The following THAP5 variants were observed in gnomAD, a reference collection of about 807,000 sequenced individuals.
THAP5 encodes the protein THAP domain-containing protein 5.
THAP5 carries 26 observed loss-of-function variants against 34.0 expected under a neutral mutation model. The ratio of observed to expected loss-of-function variants is 0.77; its 90% CI spans 0.56 to 1.06. THAP5 has a LOEUF of 1.06. Ranked by LOEUF, THAP5 falls within the 50% of genes least tolerant of loss-of-function variation. THAP5 has a pLI of 0.00. For synonymous variants in THAP5, 125 were observed against 153.0 expected, an observed-to-expected ratio of 0.82 and a Z score of 1.35; for missense variants, 394 against 452.8, an observed-to-expected ratio of 0.87 and a Z score of 1.18.
At position 108,564,642 on chromosome 7, in the gene THAP5, G is replaced by A. The variant is rs997163425; in HGVS notation, c.737C>T (p.Ser246Leu). The A allele has an allele frequency of 6.2e-7, 1 of 1,613,832 alleles. No homozygotes were observed. Among genetic ancestry groups the A allele is most frequent in the Non-Finnish European group, 8.5e-7 (1 of 1,179,960 alleles). Residue 246 changes from serine (S) to leucine (L), a missense_variant, in exon 3 of 3, where the codon TCA becomes TTA. Ser to Leu is a moderately radical substitution (Grantham distance 145). Transcript: ENST00000415914. ...NFTSNSMEIK[S>L]AQENPFLFST... ...GAATAAGAATGGATTTTCCTGTGCT[G>A]ACTTTATTTCCATGGAATTACTTGT...
chr7:108,565,868 C>A lies in THAP5; in HGVS notation c.235G>T (p.Ala79Ser). The change falls in exon 2 of 3, where the codon GCA (alanine) becomes TCA (serine). Residue 79 changes from alanine (A) to serine (S), a missense_variant. By Grantham distance (99) the Ala-to-Ser change is moderately conservative. Transcript: ENST00000415914. ...GGCAAAGAAAATATTGTTGGAACTGCAGTTTGTTTTAAATATCGAATACCC... is the reference window on the plus strand; with the variant it reads ...GGCAAAGAAAATATTGTTGGAACTGAAGTTTGTTTTAAATATCGAATACCC... ...RWGIRYLKQTAVPTIFSLPED... is the reference protein window; with the variant it reads ...RWGIRYLKQTSVPTIFSLPED... The A allele has an allele frequency of 6.5e-7, 1 of 1,547,696 alleles. No homozygotes were observed. Among genetic ancestry groups the A allele is most frequent in the Non-Finnish European group, 8.7e-7 (1 of 1,146,308 alleles).
the THAP5 span, among the ~76,000 whole-genome samples, chr7:108,543,731 A>G: frequency 2.0e-5 from 3 of 152,300 alleles, no homozygotes; most frequent in African/African-American, 7.2e-5. Context: ...GACCTATGTG[A>G]TCAGGATTTT....
downstream of THAP5, among the ~76,000 whole-genome samples, chr7:108,554,117 T>C (rs1198968875): frequency 6.6e-6 from 1 of 152,176 alleles, no homozygotes; most frequent in Non-Finnish European, 1.5e-5. Context: ...AAGAAAGTCC[T>C]ATCAGATGCC....
At position 108,569,528 on chromosome 7, in the gene THAP5, C is replaced by A; in HGVS notation, c.42G>T (p.Arg14=). Residue 14 remains arginine (R), a synonymous_variant, in exon 1 of 3, where the codon CGG becomes CGT. Coordinates refer to ENST00000415914, the MANE Select transcript of THAP5 (RefSeq NM_001130475.3). ...YCAAICCKNR[R]GRNNKDRKLS... ...GCTTCCGGTCTTTATTGTTTCGTCC[C>A]CGGCGGTTCTTACAACAAATCGCTG... is the stretch of plus-strand genomic sequence containing the variant. The A allele has an allele frequency of 1.3e-6, 2 of 1,551,808 alleles. No homozygotes were observed. Among genetic ancestry groups the A allele is most frequent in the Non-Finnish European group, 8.7e-7 (1 of 1,147,022 alleles).
chr7:108,556,750 C>A (rs963719003), intron 1 of THAP5, among the ~76,000 whole-genome samples: 1 of 152,188 alleles, frequency 6.6e-6, no homozygotes, highest in Non-Finnish European at 1.5e-5. Flanking sequence ...ATTCTGGGGT[C>A]TAGAGGACAG....
At position 108,569,623 on chromosome 7, in the gene THAP5, T is replaced by C. The variant is rs1347274822; in HGVS notation, c.-54A>G. 24 of 1,543,184 alleles carry C rather than the reference T, an allele frequency of 1.6e-5. No individual in the cohort carries two copies. Among genetic ancestry groups the C allele is most frequent in the South Asian group, 2.4e-5 (2 of 83,924 alleles). On this transcript the variant is annotated 5_prime_UTR_variant, in exon 1 of 3. Transcript: ENST00000415914. Reference sequence around the variant, plus strand: ...GCCGGCGACGGATGCAGGGCGGCCCTCCTCACTGAGGATGCGCCACAGGTC... The same window carrying C: ...GCCGGCGACGGATGCAGGGCGGCCCCCCTCACTGAGGATGCGCCACAGGTC...
chr7:108,550,909 T>C (rs11509189), downstream of THAP5, among the ~76,000 whole-genome samples: 759 of 152,314 alleles, frequency 5.0e-3, 2 homozygotes, highest in Non-Finnish European at 8.3e-3. Context: ...ACAATTCTTA[T>C]TTGGGTCTCT....
chr7:108,542,818 G>T, the THAP5 span, among the ~76,000 whole-genome samples: 1 of 152,134 alleles, frequency 6.6e-6, no homozygotes, highest in African/African-American at 2.4e-5. Flanking sequence ...CATTCAGCTG[G>T]CAGATGGGCT....
At chr7:108,542,622 C>T in the THAP5 span, among the ~76,000 whole-genome samples, 1 of 152,098 alleles carries the variant, frequency 6.6e-6, no homozygotes, top group Non-Finnish European at 1.5e-5. Context: ...GCCACCACGC[C>T]CAGCTAATTT....
rs1412346976 is a variant in THAP5, at chr7:108,564,694, T to C, written c.685A>G (p.Thr229Ala). 15 of 1,613,842 alleles carry C rather than the reference T, an allele frequency of 9.3e-6. No homozygotes were observed. The highest frequency in any genetic ancestry group is 1.3e-5 in the African/African-American group (1 of 74,934). ...AAGTTTGGATTAGCAAGATGACTGG[T>C]AGTTACTTCAAGAACTTCTTGAGTT... ...LETQEVLEVT[T>A]SHLANPNFTS... The change falls in exon 3 of 3, where the codon ACC (threonine) becomes GCC (alanine). Residue 229 changes from threonine to alanine, a missense_variant. Transcript: ENST00000415914.
chr7:108,569,759 A>C, upstream of THAP5: 1 of 718,922 alleles, frequency 1.4e-6, no homozygotes, highest in Middle Eastern at 4.0e-4. Flanking sequence ...CGGGGGTTGA[A>C]GCCGGAAGTG....
In THAP5 at chr7:108,564,508, C is replaced by T; in HGVS notation, c.871G>A (p.Ala291Thr). 1.2e-6 allele frequency: 2 copies of T among 1,613,888 alleles called. No individual in the cohort carries two copies. Among genetic ancestry groups the T allele is most frequent in the East Asian group, 4.5e-5 (2 of 44,812 alleles). ...SKPSVNSFISAQKETTEMEDT... is the reference protein window; with the variant it reads ...SKPSVNSFISTQKETTEMEDT... ...TCCATTTCCGTGGTTTCTTTTTGTGCAGATATAAAAGAATTAACTGAGGGT... is the reference window on the plus strand; with the variant it reads ...TCCATTTCCGTGGTTTCTTTTTGTGTAGATATAAAAGAATTAACTGAGGGT... The change falls in exon 3 of 3, where the codon GCA (alanine) becomes ACA (threonine). Residue 291 changes from alanine (A) to threonine (T), a missense_variant. By Grantham distance (58) the Ala-to-Thr change is moderately conservative (BLOSUM62 0). Transcript: ENST00000415914.
In THAP5 at chr7:108,564,487, T is replaced by C. The variant is rs1790438301; in HGVS notation, c.892A>G (p.Met298Val). ...FISAQKETTE[M>V]EDTDIEDSLY... ...GAGTCTTCAATGTCTGTGTCTTCCA[T>C]TTCCGTGGTTTCTTTTTGTGCAGAT... Residue 298 changes from methionine to valine, a missense_variant, in exon 3 of 3, where the codon ATG becomes GTG. Physicochemically the swap from Met to Val is conservative, Grantham distance 21. Coordinates refer to ENST00000415914, the MANE Select transcript of THAP5 (RefSeq NM_001130475.3). 5 of 1,613,872 alleles carry C rather than the reference T, an allele frequency of 3.1e-6. No individual in the cohort carries two copies. Among genetic ancestry groups the C allele is most frequent in the Non-Finnish European group, 4.2e-6 (5 of 1,179,944 alleles).
downstream of THAP5, among the ~76,000 whole-genome samples, chr7:108,552,169 G>A (rs1001376627): frequency 1.3e-5 from 2 of 152,138 alleles, no homozygotes; most frequent in Non-Finnish European, 2.9e-5. Context: ...CCTCTTTAGA[G>A]AATAAACTTC....
the THAP5 span, among the ~76,000 whole-genome samples, chr7:108,542,826 G>A: frequency 2.6e-4 from 40 of 152,188 alleles, 1 homozygote; most frequent in Admixed American, 2.4e-3. Flanking sequence ...TGGCAGATGG[G>A]CTGGTCTGGA....
At chr7:108,551,540 G>A (rs1397516887), downstream of THAP5, among the ~76,000 whole-genome samples, 1 of 152,148 alleles carries the variant, frequency 6.6e-6, no homozygotes, top group Non-Finnish European at 1.5e-5. Context: ...CCAGCGTCAG[G>A]CATTCTGTTA....
chr7:108,558,377 G>GTGTGTGTGTATATATATATA (rs1401164750), downstream of THAP5, among the ~76,000 whole-genome samples: 38 of 62,982 alleles, frequency 6.0e-4, no homozygotes, highest in South Asian at 1.5e-3. Context: ...ATGTGTGTGT[G>GTGTGTGTGTATATATATATA]TATGTATATA....
At chr7:108,542,496 C>T in the THAP5 span, among the ~76,000 whole-genome samples, 3 of 152,130 alleles carry the variant, frequency 2.0e-5, no homozygotes, top group Non-Finnish European at 4.4e-5. Flanking sequence ...GAGTTTTGCT[C>T]TTGGTGCCCA....
downstream of THAP5, among the ~76,000 whole-genome samples, chr7:108,559,285 G>T (rs561143444): frequency 2.0e-3 from 307 of 152,336 alleles, 1 homozygote; most frequent in Middle Eastern, 6.8e-3. Context: ...AGTCTGAATA[G>T]GAATGTTTGC....
Sources: allele counts gnomAD v4.1 joint callset (sites outside exome capture counted in the v4.1 genomes callset), GRCh38; gene constraint gnomAD v4.1.1; transcripts MANE v1.5; gene names NCBI Gene and HGNC (gene_info 2026-07-23, HGNC 2026-07-21).